PAH: variants seen among roughly 807,000 people sequenced by gnomAD.
The protein encoded by PAH is phenylalanine-4-hydroxylase.
PAH carries 64 observed loss-of-function variants against 62.0 expected under a neutral mutation model. That is an observed-to-expected ratio of 1.03 (90% CI 0.84 to 1.27). The LOEUF is 1.27. Among genes scored for constraint, PAH ranks in the 50% most tolerant of loss-of-function variants. PAH has a pLI of 0.00. For missense variants in PAH, 579 were observed against 542.8 expected (o/e 1.07, Z -0.66); for synonymous variants, 195 against 196.2 (o/e 0.99, Z 0.05).
chr12:102,921,025 T>G (rs1878538658), upstream of PAH, among the ~76,000 whole-genome samples: 1 of 152,198 alleles, frequency 6.6e-6, no homozygotes, highest in Non-Finnish European at 1.5e-5. Context: ...GTAGAAATTT[T>G]CTGGGATAGA....
chr12:102,844,545 CTA>C, intron 9 of PAH, 114 bp from the exon 10 acceptor site: 1 of 401,530 alleles, frequency 2.5e-6, no homozygotes, highest in Non-Finnish European at 4.1e-6. Flanking sequence ...TGGGGTGTGT[CTA>C]TGTCTATGAG....
chr12:102,924,218 AG>A (rs1327031548), intron 1 of PAH, among the ~76,000 whole-genome samples: 14 of 152,192 alleles, frequency 9.2e-5, no homozygotes, highest in African/African-American at 3.4e-4. Context: ...AAATCCTTAC[AG>A]TGAGTATTGA....
chr12:102,927,914 G>A (rs761086500), intron 1 of PAH, among the ~76,000 whole-genome samples: 11 of 152,164 alleles, frequency 7.2e-5, no homozygotes, highest in Non-Finnish European at 1.0e-4. Context: ...CCACTTACAT[G>A]TATGTAAGGG....
At chr12:102,851,867 C>A in intron 7 of PAH, 111 bp from the exon 8 acceptor site, 1 of 776,244 alleles carries the variant, frequency 1.3e-6, no homozygotes, top group Non-Finnish European at 2.3e-6. Context: ...CTCTTTTAGG[C>A]TTATGATCCC....
At chr12:102,940,424 AG>A (rs1879249613) in intron 1 of PAH, among the ~76,000 whole-genome samples, 1 of 152,246 alleles carries the variant, frequency 6.6e-6, no homozygotes, top group African/African-American at 2.4e-5. Context: ...AAAGAATCTA[AG>A]GAATTCAGTA....
intron 1 of PAH, among the ~76,000 whole-genome samples, chr12:102,956,335 C>A (rs1879910318): frequency 6.6e-6 from 1 of 152,218 alleles, no homozygotes; most frequent in African/African-American, 2.4e-5. Flanking sequence ...CCCCAGACGT[C>A]CTGAAGCTGG....
intron 4 of PAH, among the ~76,000 whole-genome samples, chr12:102,875,547 C>A (rs893014640): frequency 6.6e-6 from 1 of 152,172 alleles, no homozygotes. Flanking sequence ...AGGCCCCAGA[C>A]AGAGATCTGT....
chr12:102,874,125 G>A (rs977433542), intron 4 of PAH, among the ~76,000 whole-genome samples: 2 of 152,198 alleles, frequency 1.3e-5, no homozygotes, highest in African/African-American at 4.8e-5. Context: ...GAGACAGGAG[G>A]AAGGCTTTAG....
chr12:102,868,605 A>G (rs1324848143), intron 4 of PAH, among the ~76,000 whole-genome samples: 5 of 152,010 alleles, frequency 3.3e-5, no homozygotes, highest in Non-Finnish European at 2.9e-5. Flanking sequence ...AGTACTTAAA[A>G]CTACTGTTGT....
chr12:102,948,523 G>A (rs116473083), intron 1 of PAH, among the ~76,000 whole-genome samples: 2,760 of 152,238 alleles, frequency 0.018, 61 homozygotes, highest in African/African-American at 0.055. Context: ...TCTTCCCGCT[G>A]CAAGTTTCTG....
chr12:102,904,043 A>G (rs957064229), intron 2 of PAH, among the ~76,000 whole-genome samples: 1 of 152,208 alleles, frequency 6.6e-6, no homozygotes, highest in Admixed American at 6.5e-5. Context: ...AATAATTGAA[A>G]GTTGGAACAA....
At chr12:102,947,404 T>G (rs1304615989) in intron 1 of PAH, among the ~76,000 whole-genome samples, 1 of 152,168 alleles carries the variant, frequency 6.6e-6, no homozygotes, top group African/African-American at 2.4e-5. Context: ...GATACATCCA[T>G]GGAATATTCC....
chr12:102,929,181 C>A (rs181881785), intron 1 of PAH, among the ~76,000 whole-genome samples: 1 of 152,136 alleles, frequency 6.6e-6, no homozygotes, highest in Non-Finnish European at 1.5e-5. Context: ...GTCAATTAAA[C>A]CTCTTTCCTT....
At chr12:102,890,947 G>T (rs563146944) in intron 3 of PAH, among the ~76,000 whole-genome samples, 3 of 152,238 alleles carry the variant, frequency 2.0e-5, no homozygotes, top group South Asian at 4.1e-4. Context: ...GCCGGGCGTG[G>T]TGTCATGTGC....
intron 1 of PAH, among the ~76,000 whole-genome samples, chr12:102,936,421 T>C (rs939154600): frequency 8.5e-5 from 13 of 152,166 alleles, no homozygotes; most frequent in Admixed American, 2.6e-4. Context: ...GCAGATTACA[T>C]TGATATTTCT....
chr12:102,866,881 G>A (rs531528491), intron 4 of PAH, among the ~76,000 whole-genome samples: 1 of 152,290 alleles, frequency 6.6e-6, no homozygotes, highest in African/African-American at 2.4e-5. Flanking sequence ...GAGCCTCCTT[G>A]CTGTGGATTC....
intron 3 of PAH, among the ~76,000 whole-genome samples, chr12:102,890,654 T>C (rs1214377706): frequency 6.6e-6 from 1 of 152,218 alleles, no homozygotes; most frequent in Non-Finnish European, 1.5e-5. Flanking sequence ...AGGGAAAATG[T>C]CATCCCACTT....
Position 102,839,086 on chromosome 12 carries a change from G to T in PAH, c.*89C>A, listed in dbSNP as rs1874477464. On this transcript the variant is annotated 3_prime_UTR_variant, in exon 13 of 13. Transcript: ENST00000553106. ...TTTAAGGCTGTTATTTCAAATTAAG[G>T]TTTGCTTTTCGGACTTTTTCTGATG... 1.7e-6 allele frequency: 2 copies of T among 1,173,458 alleles called. No individual in the cohort carries two copies. The highest frequency in any genetic ancestry group is 2.6e-6 in the Non-Finnish European group (2 of 782,696). The allele number at this position is 1,173,458 out of a possible 1,614,324, so 72.7% of individuals were successfully genotyped here. A position where few individuals can be genotyped will look rare whatever the true frequency, so the allele number is the denominator to read the frequency against.
At chr12:102,910,760 C>T (rs1258041626) in intron 2 of PAH, among the ~76,000 whole-genome samples, 2 of 152,152 alleles carry the variant, frequency 1.3e-5, no homozygotes, top group African/African-American at 2.4e-5. Flanking sequence ...TGTGTAATCA[C>T]ACCATTTGCC....
Sources: allele counts gnomAD v4.1 joint callset (sites outside exome capture counted in the v4.1 genomes callset), GRCh38; gene constraint gnomAD v4.1.1; transcripts MANE v1.5; gene names NCBI Gene and HGNC (gene_info 2026-07-23, HGNC 2026-07-21).